CFAP299: variants seen among roughly 807,000 people sequenced by gnomAD.
The protein encoded by CFAP299 is cilia and flagella associated protein 299, also known as cilia- and flagella-associated protein 299.
Under a neutral mutation model 27.0 loss-of-function variants are expected in CFAP299, and 21 were observed. The observed-to-expected ratio is 0.78, with a 90% confidence interval of 0.55 to 1.12. CFAP299 has a LOEUF of 1.12. Among genes scored for constraint, CFAP299 ranks in the 50% most tolerant of loss-of-function variants. The pLI is 0.00. For missense variants in CFAP299, 310 were observed against 276.6 expected (o/e 1.12, Z -0.86); for synonymous variants, 104 against 98.1 (o/e 1.06, Z -0.36).
At chr4:80,425,855 T>C (rs1302410590) in intron 2 of CFAP299, among the ~76,000 whole-genome samples, 2 of 152,238 alleles carry the variant, frequency 1.3e-5, no homozygotes, top group East Asian at 3.8e-4. Flanking sequence ...GGAATGATTA[T>C]AGTCTTGTGT....
intron 4 of CFAP299, among the ~76,000 whole-genome samples, chr4:80,921,668 G>A (rs1736052564): frequency 6.6e-6 from 1 of 151,988 alleles, no homozygotes; most frequent in Non-Finnish European, 1.5e-5. Context: ...AAAGAAATTT[G>A]TCCCGGGAGA....
chr4:80,388,002 T>G (rs1725112176), intron 2 of CFAP299: 4 of 717,972 alleles, frequency 5.6e-6, no homozygotes. Context: ...ACACACTGGT[T>G]TGGCACCTCC....
At chr4:80,462,922 G>A (rs1404340647) in intron 2 of CFAP299, among the ~76,000 whole-genome samples, 1 of 152,070 alleles carries the variant, frequency 6.6e-6, no homozygotes, top group Non-Finnish European at 1.5e-5. Flanking sequence ...CTAGAATATT[G>A]GAGAATGAGA....
At chr4:80,400,154 T>G (rs1314131847) in intron 2 of CFAP299, among the ~76,000 whole-genome samples, 2 of 152,224 alleles carry the variant, frequency 1.3e-5, no homozygotes, top group East Asian at 3.8e-4. Flanking sequence ...TAAAGTTTCA[T>G]TGAAGTGAAT....
chr4:80,918,602 C>T (rs1039563086), intron 4 of CFAP299, among the ~76,000 whole-genome samples: 8 of 152,012 alleles, frequency 5.3e-5, no homozygotes, highest in Non-Finnish European at 1.0e-4. Context: ...ATTTTAAGAG[C>T]AAACTGATAA....
At chr4:80,962,346 T>C (rs192946252) in intron 5 of CFAP299, among the ~76,000 whole-genome samples, 164 of 151,738 alleles carry the variant, frequency 1.1e-3, no homozygotes, top group Non-Finnish European at 1.9e-3. Context: ...ATAAGGAAAA[T>C]TGAAATAAAA....
rs76329709 is a variant in CFAP299, at chr4:80,519,198, A to G, written c.243-63895A>G. On this transcript the variant is annotated intron_variant, in intron 2 of 5. Coordinates refer to ENST00000358105, the MANE Select transcript of CFAP299 (RefSeq NM_152770.3). ...TTAATATGTGTGTGTGTGTGTGTGT[A>G]TGTGTGTGTGTGTGTGCATGTGTTT... 1.4e-3 allele frequency among the ~76,000 whole-genome samples: 197 copies of G among 145,346 alleles called. 2 individuals are homozygous for G. Among genetic ancestry groups the G allele is most frequent in the Middle Eastern group, 7.2e-3 (2 of 278 alleles).
the CFAP299 span, among the ~76,000 whole-genome samples, chr4:80,328,938 C>CT: frequency 6.6e-6 from 1 of 152,072 alleles, no homozygotes; most frequent in Non-Finnish European, 1.5e-5. Context: ...ATAGAATCAA[C>CT]TTTTTTCTCA....
At chr4:80,911,576 T>A (rs945201070) in intron 4 of CFAP299, among the ~76,000 whole-genome samples, 3 of 152,138 alleles carry the variant, frequency 2.0e-5, no homozygotes, top group African/African-American at 7.2e-5. Flanking sequence ...CATTCATCAT[T>A]CAAATTGATG....
At chr4:80,340,729 T>G (rs2109968139) in intron 1 of CFAP299, among the ~76,000 whole-genome samples, 1 of 152,294 alleles carries the variant, frequency 6.6e-6, no homozygotes, top group East Asian at 1.9e-4. Context: ...CCCCTCACAA[T>G]GCAGCACAGC....
chr4:80,427,376 A>G (rs1235544977), intron 2 of CFAP299, among the ~76,000 whole-genome samples: 2 of 152,160 alleles, frequency 1.3e-5, no homozygotes, highest in Non-Finnish European at 2.9e-5. Context: ...TTTAGTGCCT[A>G]TATGTGTGAA....
At chr4:80,845,899 C>A (rs1228974880) in intron 3 of CFAP299, among the ~76,000 whole-genome samples, 4 of 151,878 alleles carry the variant, frequency 2.6e-5, no homozygotes, top group Non-Finnish European at 5.9e-5. Flanking sequence ...ATTATTTTTT[C>A]TTTCTATCAA....
In CFAP299 at chr4:80,652,887, C is replaced by G. The variant is rs144090025; in HGVS notation, c.333+69704C>G. On this transcript the variant is annotated intron_variant, in intron 3 of 5. Transcript: ENST00000358105. ...CGACTCGCCTCCAATGCAAAGTTGACGTGCCTATGCCTTATTGCCCTGGAA... is the reference window on the plus strand; with the variant it reads ...CGACTCGCCTCCAATGCAAAGTTGAGGTGCCTATGCCTTATTGCCCTGGAA... 5.1e-3 allele frequency among the ~76,000 whole-genome samples: 769 copies of G among 152,238 alleles called. 5 individuals are homozygous for G. Among genetic ancestry groups the G allele is most frequent in the Middle Eastern group, 0.02 (6 of 294 alleles).
Position 80,651,446 on chromosome 4 carries a change from G to A in CFAP299, c.333+68263G>A, listed in dbSNP as rs1740289168. The stretch of plus-strand genomic sequence containing the variant: ...AGTGGCACGATCTCAGCTCACTGAA[G>A]TCTCGACCTCCTGGGTTTAAGTGAT... On this transcript the variant is annotated intron_variant, in intron 3 of 5. Transcript: ENST00000358105. 3.4e-5 allele frequency among the ~76,000 whole-genome samples: 5 copies of A among 149,024 alleles called. No individual in the cohort carries two copies. The South Asian group carries it at 1.1e-3, about 32-fold the overall frequency.
intron 3 of CFAP299, among the ~76,000 whole-genome samples, chr4:80,670,648 CTGT>C (rs1205791094): frequency 6.6e-6 from 1 of 152,178 alleles, no homozygotes; most frequent in African/African-American, 2.4e-5. Flanking sequence ...TCTCCAGCAT[CTGT>C]TGTTTCCTGA....
chr4:80,841,864 C>T (rs1250113639), intron 3 of CFAP299, among the ~76,000 whole-genome samples: 1 of 151,960 alleles, frequency 6.6e-6, no homozygotes, highest in Non-Finnish European at 1.5e-5. Flanking sequence ...TAACCCAAGC[C>T]CTTTTCTAAA....
chr4:80,775,379 A>G (rs1316687716), intron 3 of CFAP299, among the ~76,000 whole-genome samples: 1 of 152,028 alleles, frequency 6.6e-6, no homozygotes, highest in Admixed American at 6.6e-5. Flanking sequence ...ATCTTCAATG[A>G]GCATGAATTA....
intron 3 of CFAP299, among the ~76,000 whole-genome samples, chr4:80,698,846 C>T (rs1227794918): frequency 9.9e-5 from 15 of 152,248 alleles, no homozygotes; most frequent in Non-Finnish European, 1.3e-4. Context: ...CACTCACTAT[C>T]ATGAGAACAG....
intron 2 of CFAP299, among the ~76,000 whole-genome samples, chr4:80,476,963 G>GTA (rs1491012192): frequency 2.2e-5 from 3 of 137,540 alleles, no homozygotes; most frequent in African/African-American, 7.8e-5. Context: ...GCGCATGCGT[G>GTA]TGTGTGTGTG....
Sources: allele counts gnomAD v4.1 joint callset (sites outside exome capture counted in the v4.1 genomes callset), GRCh38; gene constraint gnomAD v4.1.1; transcripts MANE v1.5; gene names NCBI Gene and HGNC (gene_info 2026-07-23, HGNC 2026-07-21).